BRAF: variants seen among roughly 807,000 people sequenced by gnomAD.
BRAF encodes the protein serine/threonine-protein kinase B-raf.
Under a neutral mutation model 104.6 loss-of-function variants are expected in BRAF, and 16 were observed. The ratio of observed to expected loss-of-function variants is 0.15; its 90% CI spans 0.10 to 0.23. BRAF has a LOEUF of 0.23. Ranked by LOEUF, BRAF falls within the 10% of genes least tolerant of loss-of-function variation. BRAF has a pLI of 1.00. For synonymous variants in BRAF, 310 were observed against 341.6 expected (o/e 0.91, Z 1.02); for missense variants, 541 against 937.3 (o/e 0.58, Z 5.52).
chr7:140,800,280 G>A (rs2129043494), intron 7 of BRAF, 82 bp downstream of exon 7: 1 of 1,596,524 alleles, frequency 6.3e-7, no homozygotes, highest in East Asian at 2.2e-5. Context: ...TTTAAACATT[G>A]GAAAGGTTTC....
chr7:140,768,785 C>T lies in BRAF; in HGVS notation c.1814+8127G>A, dbSNP rs372641805. On this transcript the variant is annotated intron_variant, in intron 14 of 19. Coordinates refer to ENST00000644969, the MANE Select transcript of BRAF (RefSeq NM_001374258.1). ...ATGCTAGTAGTACAGGCATGAGCCA[C>T]CACACCTGGCCAGGAGTGACTTCTA... 3.3e-4 allele frequency among the ~76,000 whole-genome samples: 50 copies of T among 152,260 alleles called. No homozygotes were observed. The South Asian group carries it at 6.8e-3, about 21-fold the overall frequency.
intron 7 of BRAF, chr7:140,799,961 C>T: frequency 2.7e-6 from 1 of 376,964 alleles, no homozygotes; most frequent in Non-Finnish European, 5.0e-6. Flanking sequence ...AGCTTTAATC[C>T]CACTTATTTG....
rs1334386913 is a variant in BRAF, at chr7:140,807,643, C to G, written c.711+317G>C. ...ACAGAAAAAAGTTTGGAAGACAGAA[C>G]AATAATCTGTTAATCTAAACAAATG... On this transcript the variant is annotated intron_variant, in intron 5 of 19. Coordinates refer to ENST00000644969, the MANE Select transcript of BRAF (RefSeq NM_001374258.1). Among the ~76,000 whole-genome samples, 9 of 152,162 alleles carry G rather than the reference C, an allele frequency of 5.9e-5. No individual in the cohort carries two copies. In the South Asian group the frequency reaches 6.2e-4, roughly 11 times the overall value.
rs369746551 is a variant in BRAF, at chr7:140,913,469, CTTTTTTTTTTTTTT to C, written c.138+11083_138+11096del. On this transcript the variant is annotated intron_variant, in intron 1 of 19. Transcript: ENST00000644969. ...ATGACAAAGCAAATGTTAATCACAGCTTTTTTTTTTTTTTTTTTTTTTTTTTTTTTGTGAGACAG... is the reference window on the plus strand; with the variant it reads ...ATGACAAAGCAAATGTTAATCACAGCTTTTTTTTTTTTTTTTGTGAGACAG... Among the ~76,000 whole-genome samples, 18 of 57,014 alleles carry C rather than the reference CTTTTTTTTTTTTTT, an allele frequency of 3.2e-4. 1 individual carries two copies. Among genetic ancestry groups the C allele is most frequent in the Middle Eastern group, 0.02 (1 of 50 alleles). 37.4% of individuals were successfully genotyped at this position (57,014 alleles called of 152,430 possible).
At chr7:140,883,014 G>GTAAATAAATAAA (rs34394570) in intron 1 of BRAF, among the ~76,000 whole-genome samples, 84 of 148,752 alleles carry the variant, frequency 5.6e-4, no homozygotes, top group Middle Eastern at 7.0e-3. Context: ...ATAAAATAAA[G>GTAAATAAATAAA]TAAATAAATA....
chr7:140,725,744 GAGAA>G lies in BRAF; in HGVS notation c.*746_*749del, dbSNP rs1379576879. ...ACTTATCTTCATTGCTGGACCCAAT[GAGAA>G]AGAAGGCAATGTGTGCCAGCACTAT... On this transcript the variant is annotated 3_prime_UTR_variant, in exon 20 of 20. Coordinates refer to ENST00000644969, the MANE Select transcript of BRAF (RefSeq NM_001374258.1). 9.4e-7 allele frequency: 1 copy of G among 1,059,968 alleles called. No homozygotes were observed. Among genetic ancestry groups the G allele is most frequent in the Non-Finnish European group, 1.1e-6 (1 of 876,056 alleles). 65.7% of individuals were successfully genotyped at this position (1,059,968 alleles called of 1,614,324 possible).
intron 5 of BRAF, among the ~76,000 whole-genome samples, chr7:140,802,001 A>C (rs1234556877): frequency 1.3e-5 from 2 of 152,214 alleles, no homozygotes; most frequent in African/African-American, 4.8e-5. Flanking sequence ...AGAAGAACCA[A>C]AAAACTACTA....
chr7:140,811,655 T>C (rs930456977), intron 3 of BRAF, among the ~76,000 whole-genome samples: 50 of 152,198 alleles, frequency 3.3e-4, no homozygotes, highest in Middle Eastern at 3.2e-3. Context: ...AAAAATCTGC[T>C]TATCAGGATT....
intron 19 of BRAF, chr7:140,732,804 C>A (rs1015189311): frequency 6.6e-6 from 1 of 152,208 alleles, no homozygotes; most frequent in African/African-American, 2.4e-5. Context: ...AATAAAGAGA[C>A]CCCTGACCTT....
chr7:140,821,775 C>A (rs1193304456), intron 3 of BRAF, among the ~76,000 whole-genome samples: 9 of 152,052 alleles, frequency 5.9e-5, no homozygotes, highest in Non-Finnish European at 8.8e-5. Context: ...TACGAAAAAA[C>A]CACATATTTA....
At chr7:140,732,655 T>C (rs1363860543) in intron 19 of BRAF, 1 of 151,906 alleles carries the variant, frequency 6.6e-6, no homozygotes, top group African/African-American at 2.4e-5. Context: ...AGGAGACTAG[T>C]AAAGAAAGAA....
chr7:140,844,700 T>TG (rs1808361443), intron 2 of BRAF, among the ~76,000 whole-genome samples: 1 of 152,132 alleles, frequency 6.6e-6, no homozygotes. Context: ...CCAAGGCAGG[T>TG]GGATCACTTG....
At chr7:140,882,509 C>T (rs932964484) in intron 1 of BRAF, among the ~76,000 whole-genome samples, 1 of 151,812 alleles carries the variant, frequency 6.6e-6, no homozygotes, top group Non-Finnish European at 1.5e-5. Flanking sequence ...ACCCAAGTAG[C>T]TGGGACTACA....
rs1803887569 is a variant in BRAF at position 140,808,445 on chromosome 7, C to G, written c.609-383G>C. 1.4e-5 allele frequency: 5 copies of G among 346,564 alleles called. 1 individual carries two copies. Among genetic ancestry groups the G allele is most frequent in the Non-Finnish European group, 2.7e-5 (5 of 181,850 alleles). The allele number at this position is 346,564 out of a possible 1,614,324, so 21.5% of individuals were successfully genotyped here. A position where few individuals can be genotyped will look rare whatever the true frequency, so the allele number is the denominator to read the frequency against. ...CTCAAGGGACAGGGACAACATGCCC[C>G]CAAAATAATTTTTTTTTTTTTAAAG... On this transcript the variant is annotated intron_variant, in intron 4 of 19. Transcript: ENST00000644969.
intron 1 of BRAF, among the ~76,000 whole-genome samples, chr7:140,857,285 C>G (rs1052147591): frequency 1.3e-5 from 2 of 152,204 alleles, no homozygotes; most frequent in African/African-American, 4.8e-5. Flanking sequence ...CCAAGAAATA[C>G]AAGCAGTGCA....
chr7:140,808,626 C>CTCCT (rs1436796596), intron 4 of BRAF, among the ~76,000 whole-genome samples: 1 of 151,958 alleles, frequency 6.6e-6, no homozygotes, highest in Non-Finnish European at 1.5e-5. Context: ...AAATAAATCA[C>CTCCT]ACTCTGAATG....
downstream of BRAF, among the ~76,000 whole-genome samples, chr7:140,718,044 CT>C (rs1795173844): frequency 6.6e-6 from 1 of 152,124 alleles, no homozygotes; most frequent in Non-Finnish European, 1.5e-5. Context: ...GGCACAAGCC[CT>C]TTTTAGGCTT....
In BRAF at chr7:140,785,688, C is replaced by T. The variant is rs1801284451; in HGVS notation, c.1297+1G>A. On this transcript the variant is annotated splice_donor_variant, in intron 10 of 19. Coordinates refer to ENST00000644969, the MANE Select transcript of BRAF (RefSeq NM_001374258.1). LOFTEE classifies it high-confidence loss of function. ...AAAACAAGAAAGAAGAGCCCAACTA[C>T]CTCTGAACACTGGGCCAGGCTCAAA... 1 of 398,968 alleles carries T rather than the reference C, an allele frequency of 2.5e-6. No homozygotes were observed. The highest frequency in any genetic ancestry group is 3.6e-5 in the East Asian group (1 of 28,090). The allele number at this position is 398,968 out of a possible 1,614,324, so 24.7% of individuals were successfully genotyped here. A position where few individuals can be genotyped will look rare whatever the true frequency, so the allele number is the denominator to read the frequency against.
At chr7:140,742,602 T>C (rs1797020064) in intron 17 of BRAF, among the ~76,000 whole-genome samples, 1 of 152,226 alleles carries the variant, frequency 6.6e-6, no homozygotes. Context: ...GTAACACTTA[T>C]CTTGCTTTCC....
Sources: allele counts gnomAD v4.1 joint callset (sites outside exome capture counted in the v4.1 genomes callset), GRCh38; gene constraint gnomAD v4.1.1; transcripts MANE v1.5; gene names NCBI Gene and HGNC (gene_info 2026-07-23, HGNC 2026-07-21).